Variants in TNKS observed in about 807,000 individuals in gnomAD.
TNKS encodes poly [ADP-ribose] polymerase tankyrase-1.
In TNKS, 72 loss-of-function variants were observed where a neutral mutation model predicts 135.8. The ratio of observed to expected loss-of-function variants is 0.53; its 90% CI spans 0.44 to 0.64. The LOEUF (loss-of-function observed/expected upper bound fraction) is 0.64. Ranked by LOEUF, TNKS falls within the 30% of genes least tolerant of loss-of-function variation. The probability of loss-of-function intolerance (pLI) is 0.00; values close to 1 mark genes in which losing one functional copy is unlikely to be tolerated. For synonymous variants in TNKS, 849 were observed against 649.3 expected (o/e 1.31, Z -4.68); for missense variants, 1,769 against 1,674.0 (o/e 1.06, Z -0.99).
At chr8:9,735,167 AACAC>A in intron 16 of TNKS, 83 bp downstream of exon 16, 1 of 1,380,682 alleles carries the variant, frequency 7.2e-7, no homozygotes, top group South Asian at 1.4e-5. Flanking sequence ...AGCCATGCTG[AACAC>A]AAATGGGACT....
intron 1 of TNKS, 197 bp downstream of exon 1, chr8:9,556,809 T>G: frequency 1.1e-5 from 6 of 567,288 alleles, no homozygotes; most frequent in East Asian, 9.9e-5. Context: ...GATAAGTGAA[T>G]CCAAGGAATT....
At chr8:9,580,040 AT>A (rs1798109106) in intron 1 of TNKS, 118 bp from the exon 2 acceptor site, 2 of 777,566 alleles carry the variant, frequency 2.6e-6, no homozygotes, top group Admixed American at 2.5e-5. Flanking sequence ...GTTTTACACC[AT>A]TTACTATAGA....
intron 17 of TNKS, among the ~76,000 whole-genome samples, chr8:9,745,726 T>G (rs1293431545): frequency 1.3e-5 from 2 of 152,228 alleles, no homozygotes; most frequent in East Asian, 1.9e-4. Flanking sequence ...TTTGGGGGCG[T>G]TTTTTGCTTT....
intron 3 of TNKS, among the ~76,000 whole-genome samples, chr8:9,621,274 A>C (rs1563122806): frequency 6.6e-6 from 1 of 151,504 alleles, no homozygotes; most frequent in African/African-American, 2.4e-5. Flanking sequence ...GTCACATCAG[A>C]CATCCAGATG....
Position 9,577,756 on chromosome 8 carries a change from C to G in TNKS, c.674-2403C>G, listed in dbSNP as rs1231825253. 2.0e-5 allele frequency among the ~76,000 whole-genome samples: 3 copies of G among 152,136 alleles called. No homozygotes were observed. The East Asian group carries it at 5.8e-4, about 29-fold the overall frequency. On this transcript the variant is annotated intron_variant, in intron 1 of 26. Transcript: ENST00000310430. ...TTTTGGTCCCTGGCTCCTCCCAAAT[C>G]TCATATCCTTCTCATATTTCAAAAT... is the stretch of plus-strand genomic sequence containing the variant.
intron 26 of TNKS, among the ~76,000 whole-genome samples, chr8:9,771,447 A>G (rs1416786103): frequency 1.3e-5 from 1 of 75,236 alleles, no homozygotes; most frequent in African/African-American, 5.0e-5. Context: ...AGGAAAGGAA[A>G]AGAGAGAGAA....
At chr8:9,713,967 G>A (rs1364944630) in intron 11 of TNKS, among the ~76,000 whole-genome samples, 1 of 152,098 alleles carries the variant, frequency 6.6e-6, no homozygotes, top group Admixed American at 6.6e-5. Context: ...TTTTAATTAG[G>A]ATTCAGCCCT....
intron 2 of TNKS, among the ~76,000 whole-genome samples, chr8:9,586,801 G>C (rs1025360901): frequency 6.7e-6 from 1 of 150,192 alleles, no homozygotes; most frequent in Non-Finnish European, 1.5e-5. Context: ...GACTTGTTAA[G>C]TTTTGGGCTA....
In TNKS at chr8:9,763,208, T is replaced by A. The variant is rs1585434478; in HGVS notation, c.3336T>A (p.Ala1112=). 1 of 1,608,736 alleles carries A rather than the reference T, an allele frequency of 6.2e-7. No individual in the cohort carries two copies. The highest frequency in any genetic ancestry group is 2.2e-5 in the East Asian group (1 of 44,800). The change falls in exon 22 of 27, where the codon GCT becomes GCA. Residue 1112 remains alanine (A), a synonymous_variant. Transcript: ENST00000310430. ...AGGGAACGATTTTGCTGGATCTTGC[T>A]CCAGAAGATAAAGAATATCAGTCAG... ...VNQGTILLDL[A]PEDKEYQSVE...
chr8:9,682,860 C>T (rs115091720), intron 5 of TNKS, among the ~76,000 whole-genome samples: 1,761 of 151,586 alleles, frequency 0.012, 34 homozygotes, highest in African/African-American at 0.039. Flanking sequence ...GAGGGAGAAC[C>T]GTATAATTTA....
At chr8:9,630,944 G>A (rs1800266684) in intron 3 of TNKS, among the ~76,000 whole-genome samples, 1 of 152,022 alleles carries the variant, frequency 6.6e-6, no homozygotes, top group African/African-American at 2.4e-5. Flanking sequence ...CCTTTTTACT[G>A]TATTTTCTCC....
chr8:9,703,153 A>G (rs1018452641), intron 5 of TNKS, among the ~76,000 whole-genome samples: 7 of 152,148 alleles, frequency 4.6e-5, no homozygotes, highest in Non-Finnish European at 7.3e-5. Context: ...ACCAAACCCT[A>G]TATATGGTTT....
At chr8:9,708,641 T>G in intron 9 of TNKS, 149 bp downstream of exon 9, 1 of 839,758 alleles carries the variant, frequency 1.2e-6, no homozygotes, top group Non-Finnish European at 1.7e-6. Flanking sequence ...ATTTTTAAAC[T>G]TAGTTTGGGG....
At chr8:9,558,845 G>C (rs914249220) in intron 1 of TNKS, 11 of 152,102 alleles carry the variant, frequency 7.2e-5, no homozygotes, top group Admixed American at 5.2e-4. Flanking sequence ...CCTGTAGTCA[G>C]TTTGCCACGC....
rs1394141368 is a variant in TNKS at position 9,773,299 on chromosome 8, A to ATTCATATGTCTGATATTTTT, written c.3897+3039_3897+3058dup. Among the ~76,000 whole-genome samples the ATTCATATGTCTGATATTTTT allele has an allele frequency of 9.8e-4, 149 of 152,286 alleles. 1 individual carries two copies. Among genetic ancestry groups the ATTCATATGTCTGATATTTTT allele is most frequent in the African/African-American group, 3.3e-3 (138 of 41,572 alleles). ...AAAAGCAGAATTGTTAAATAAACAT[A>ATTCATATGTCTGATATTTTT]TTCATATGTCTGATATTTTTTAACA... is the stretch of plus-strand genomic sequence containing the variant. On this transcript the variant is annotated intron_variant, in intron 26 of 26. Transcript: ENST00000310430.
rs897925992 is a variant in TNKS at position 9,661,138 on chromosome 8, C to T, written c.995-18813C>T. Among the ~76,000 whole-genome samples, 11 of 152,002 alleles carry T rather than the reference C, an allele frequency of 7.2e-5. No homozygotes were observed. The South Asian group carries it at 1.0e-3, about 14-fold the overall frequency. ...GCTCATGGGTAGGAAGAATCAATAT[C>T]GTGAAAATGGCCATACTGCCCAAGG... On this transcript the variant is annotated intron_variant, in intron 3 of 26. Transcript: ENST00000310430.
rs190327205 is a variant in TNKS, at chr8:9,777,198, T to G, written c.*462T>G. On this transcript the variant is annotated 3_prime_UTR_variant, in exon 27 of 27. Coordinates refer to ENST00000310430, the MANE Select transcript of TNKS (RefSeq NM_003747.3). ...TGGCTATTGTTTGTTTGTTTTTTGTTTTTTTGTGTTTTTTGGGTTACTTTG... is the reference window on the plus strand; with the variant it reads ...TGGCTATTGTTTGTTTGTTTTTTGTGTTTTTGTGTTTTTTGGGTTACTTTG... The G allele has an allele frequency of 6.4e-6, 1 of 156,428 alleles. No homozygotes were observed. Among genetic ancestry groups the G allele is most frequent in the African/African-American group, 2.4e-5 (1 of 41,476 alleles). The allele number at this position is 156,428 out of a possible 1,614,324, so 9.7% of individuals were successfully genotyped here.
At chr8:9,633,039 T>C (rs1326958633) in intron 3 of TNKS, among the ~76,000 whole-genome samples, 1 of 152,226 alleles carries the variant, frequency 6.6e-6, no homozygotes, top group Non-Finnish European at 1.5e-5. Context: ...CTCTATGTTG[T>C]TCTTTGCAGA....
chr8:9,629,611 C>A (rs1172768618), intron 3 of TNKS, among the ~76,000 whole-genome samples: 1 of 152,160 alleles, frequency 6.6e-6, no homozygotes, highest in African/African-American at 2.4e-5. Context: ...TCCCAGTTTG[C>A]TGGTTGCTTT....
Sources: gnomAD v4.1 joint callset for allele counts (sites outside exome capture counted in the v4.1 genomes callset) on GRCh38, gnomAD v4.1.1 for gene constraint, MANE v1.5 for transcripts, NCBI Gene and HGNC (gene_info 2026-07-23, HGNC 2026-07-21) for gene names.